PTPN14: variants seen among roughly 807,000 people sequenced by gnomAD.
PTPN14 encodes tyrosine-protein phosphatase non-receptor type 14.
In PTPN14, 53 loss-of-function variants were observed where a neutral mutation model predicts 126.8. The ratio of observed to expected loss-of-function variants is 0.42; its 90% CI spans 0.34 to 0.53. PTPN14 has a LOEUF of 0.53. Ranked by LOEUF, PTPN14 falls within the 20% of genes least tolerant of loss-of-function variation. The pLI is 0.08. For synonymous variants in PTPN14, 630 were observed against 599.3 expected, an observed-to-expected ratio of 1.05 and a Z score of -0.75; for missense variants, 1,257 against 1,552.9, an observed-to-expected ratio of 0.81 and a Z score of 3.20.
chr1:214,442,362 C>T, intron 3 of PTPN14, among the ~76,000 whole-genome samples: 1 of 152,154 alleles, frequency 6.6e-6, no homozygotes, highest in East Asian at 1.9e-4. Context: ...AATTTTGGTA[C>T]ATTATAGATT....
chr1:214,367,748 G>A (rs1013019548), intron 17 of PTPN14, among the ~76,000 whole-genome samples: 1 of 152,116 alleles, frequency 6.6e-6, no homozygotes, highest in African/African-American at 2.4e-5. Context: ...AAGAGGGAGA[G>A]CTGCAGCCAC....
intron 1 of PTPN14, among the ~76,000 whole-genome samples, chr1:214,489,278 T>G (rs1017266512): frequency 1.3e-5 from 2 of 151,906 alleles, no homozygotes; most frequent in East Asian, 1.9e-4. Context: ...CTTGCGGAGG[T>G]TGAGATTTTG....
chr1:214,535,809 T>A (rs1328067194), intron 1 of PTPN14, among the ~76,000 whole-genome samples: 1 of 150,744 alleles, frequency 6.6e-6, no homozygotes, highest in East Asian at 2.0e-4. Context: ...GCTGAGATAA[T>A]CCACTTCCTT....
intron 12 of PTPN14, 72 bp downstream of exon 12, chr1:214,386,772 T>A: frequency 7.2e-7 from 1 of 1,394,656 alleles, no homozygotes; most frequent in South Asian, 1.3e-5. Flanking sequence ...ATCTTTTTTT[T>A]AAAGCCTTCT....
At chr1:214,430,947 C>T (rs1659783712) in intron 3 of PTPN14, among the ~76,000 whole-genome samples, 1 of 152,154 alleles carries the variant, frequency 6.6e-6, no homozygotes, top group South Asian at 2.1e-4. Flanking sequence ...TGCAGAATAC[C>T]TTATACTTTG....
At chr1:214,440,689 G>GA (rs1191061647) in intron 3 of PTPN14, among the ~76,000 whole-genome samples, 1 of 152,224 alleles carries the variant, frequency 6.6e-6, no homozygotes, top group East Asian at 1.9e-4. Flanking sequence ...TCAATGAAGA[G>GA]ATATGGGCTG....
chr1:214,514,759 A>G (rs1655059982), intron 1 of PTPN14, among the ~76,000 whole-genome samples: 1 of 152,156 alleles, frequency 6.6e-6, no homozygotes, highest in African/African-American at 2.4e-5. Flanking sequence ...GTGCAACACC[A>G]CACATTTAAG....
In PTPN14 at chr1:214,356,527, CA is replaced by C. The variant is rs1371024191; in HGVS notation, c.*1394del. ...GTACAAAACATGATTTATTGTGTAC[CA>C]TCCTTGGAAATTCAGAAGGACACTG... On this transcript the variant is annotated 3_prime_UTR_variant, in exon 19 of 19. Transcript: ENST00000366956. 1.3e-5 allele frequency: 2 copies of C among 152,230 alleles called. No individual in the cohort carries two copies. The highest frequency in any genetic ancestry group is 3.9e-4 in the East Asian group (2 of 5,180). The allele number at this position is 152,230 out of a possible 1,614,324, so 9.4% of individuals were successfully genotyped here.
intron 5 of PTPN14, among the ~76,000 whole-genome samples, chr1:214,405,243 G>A (rs1452994216): frequency 1.3e-5 from 2 of 152,054 alleles, no homozygotes; most frequent in Non-Finnish European, 2.9e-5. Flanking sequence ...AAGCATTTTC[G>A]CCTTTTGAAC....
At chr1:214,471,814 G>A (rs1237199955) in intron 1 of PTPN14, among the ~76,000 whole-genome samples, 1 of 152,222 alleles carries the variant, frequency 6.6e-6, no homozygotes, top group Non-Finnish European at 1.5e-5. Flanking sequence ...GTCCTCTGAA[G>A]AGCCCATCCT....
chr1:214,484,362 T>A (rs76679969), intron 1 of PTPN14, among the ~76,000 whole-genome samples: 3 of 152,212 alleles, frequency 2.0e-5, no homozygotes, highest in Non-Finnish European at 4.4e-5. Context: ...CATGATCCTA[T>A]GATTGCATTA....
At chr1:214,498,941 T>C (rs2102427947) in intron 1 of PTPN14, among the ~76,000 whole-genome samples, 1 of 152,260 alleles carries the variant, frequency 6.6e-6, no homozygotes, top group South Asian at 2.1e-4. Flanking sequence ...CCTGAAAAGC[T>C]ACGACTACAG....
At chr1:214,479,222 A>G (rs374230102) in intron 1 of PTPN14, among the ~76,000 whole-genome samples, 19 of 152,180 alleles carry the variant, frequency 1.2e-4, no homozygotes, top group African/African-American at 4.6e-4. Flanking sequence ...TGGTGCATGC[A>G]TGTAGTCTCA....
At chr1:214,517,094 A>T (rs1397653231) in intron 1 of PTPN14, among the ~76,000 whole-genome samples, 15 of 152,156 alleles carry the variant, frequency 9.9e-5, no homozygotes, top group Admixed American at 9.8e-4. Flanking sequence ...CCTGTCATCC[A>T]GGCAAATGTA....
chr1:214,468,980 C>A (rs1660698335), intron 1 of PTPN14, among the ~76,000 whole-genome samples: 1 of 152,100 alleles, frequency 6.6e-6, no homozygotes, highest in African/African-American at 2.4e-5. Context: ...ATTTTTTTCA[C>A]CTCTAACACA....
chr1:214,407,644 T>G (rs1659201476), intron 5 of PTPN14, among the ~76,000 whole-genome samples: 1 of 152,224 alleles, frequency 6.6e-6, no homozygotes, highest in African/African-American at 2.4e-5. Flanking sequence ...CCTATCCCAG[T>G]CTCTCAAAAC....
intron 1 of PTPN14, among the ~76,000 whole-genome samples, chr1:214,535,958 G>T (rs1655693847): frequency 6.6e-6 from 1 of 152,068 alleles, no homozygotes; most frequent in Non-Finnish European, 1.5e-5. Context: ...TCACAAAAAT[G>T]TTCACTATAT....
At chr1:214,392,268 ACC>A (rs1430460227) in intron 10 of PTPN14, among the ~76,000 whole-genome samples, 4 of 152,002 alleles carry the variant, frequency 2.6e-5, no homozygotes, top group Non-Finnish European at 5.9e-5. Context: ...GAGGTTAGGA[ACC>A]TCTTATACTT....
chr1:214,370,356 T>C (rs1019617563), intron 16 of PTPN14, among the ~76,000 whole-genome samples: 5 of 151,444 alleles, frequency 3.3e-5, no homozygotes, highest in Middle Eastern at 3.5e-3. Context: ...GGCCAGGCGA[T>C]CAGAGAGGAG....
Sources: allele counts gnomAD v4.1 joint callset (sites outside exome capture counted in the v4.1 genomes callset), GRCh38; gene constraint gnomAD v4.1.1; transcripts MANE v1.5; gene names NCBI Gene and HGNC (gene_info 2026-07-23, HGNC 2026-07-21).